FAM163A: variants seen among roughly 807,000 people sequenced by gnomAD.
FAM163A encodes protein FAM163A.
In FAM163A, 7 loss-of-function variants were observed where a neutral mutation model predicts 12.0. The observed-to-expected ratio is 0.58, with a 90% CI of 0.33 to 1.10. The LOEUF is 1.10. Ranked by LOEUF, FAM163A falls within the 50% of genes least tolerant of loss-of-function variation. The pLI is 0.03. For synonymous variants in FAM163A, 101 were observed against 91.0 expected (o/e 1.11, Z -0.62); for missense variants, 202 against 218.6 (o/e 0.92, Z 0.48).
At chr1:179,731,095 A>G in the FAM163A span, among the ~76,000 whole-genome samples, 1 of 152,360 alleles carries the variant, frequency 6.6e-6, no homozygotes, top group South Asian at 2.1e-4. Flanking sequence ...ACCTACAATT[A>G]GTTTTTGGTG....
chr1:179,774,968 G>A (rs941711113), intron 1 of FAM163A, among the ~76,000 whole-genome samples: 1 of 152,132 alleles, frequency 6.6e-6, no homozygotes, highest in Non-Finnish European at 1.5e-5. Context: ...CAAAGAATTG[G>A]ACAAAACGCA....
intron 1 of FAM163A, among the ~76,000 whole-genome samples, chr1:179,749,745 G>C (rs1475695341): frequency 6.6e-6 from 1 of 152,134 alleles, no homozygotes; most frequent in Non-Finnish European, 1.5e-5. Context: ...TGTAATCCCA[G>C]CTACTTGGGA....
chr1:179,735,348 A>G, the FAM163A span, among the ~76,000 whole-genome samples: 2 of 152,222 alleles, frequency 1.3e-5, no homozygotes, highest in Non-Finnish European at 2.9e-5. Context: ...GGCAGAAATC[A>G]GAAGAAATGA....
At chr1:179,802,237 A>G (rs1222314993) in intron 1 of FAM163A, among the ~76,000 whole-genome samples, 2 of 152,146 alleles carry the variant, frequency 1.3e-5, no homozygotes, top group East Asian at 3.8e-4. Flanking sequence ...ATTTTTTGGT[A>G]TGTGTTCTTG....
chr1:179,787,224 A>C (rs1191103960), intron 1 of FAM163A, among the ~76,000 whole-genome samples: 1 of 152,204 alleles, frequency 6.6e-6, no homozygotes, highest in Non-Finnish European at 1.5e-5. Context: ...ATTTGTAGTA[A>C]ATAGAGAGCT....
At chr1:179,806,068 A>G (rs978021204) in intron 1 of FAM163A, among the ~76,000 whole-genome samples, 1 of 151,924 alleles carries the variant, frequency 6.6e-6, no homozygotes, top group African/African-American at 2.4e-5. Flanking sequence ...GCTCAGCAAC[A>G]CCTCTCACCA....
At chr1:179,744,315 G>A (rs560121848) in intron 1 of FAM163A, among the ~76,000 whole-genome samples, 9 of 152,190 alleles carry the variant, frequency 5.9e-5, no homozygotes, top group Admixed American at 2.0e-4. Context: ...TCCGCCCCGC[G>A]GCCCAGAGGG....
At chr1:179,793,651 G>C (rs867440) in intron 1 of FAM163A, among the ~76,000 whole-genome samples, 95 of 152,266 alleles carry the variant, frequency 6.2e-4, no homozygotes, top group African/African-American at 1.9e-3. Context: ...AGCTCCCTTT[G>C]GTTCAAAAGT....
chr1:179,806,905 A>G (rs1571580784), intron 1 of FAM163A, among the ~76,000 whole-genome samples: 1 of 152,146 alleles, frequency 6.6e-6, no homozygotes, highest in South Asian at 2.1e-4. Context: ...AGAGTTTGAG[A>G]CCAGCCTGGC....
At chr1:179,777,495 C>G (rs1270904490) in intron 1 of FAM163A, among the ~76,000 whole-genome samples, 1 of 152,132 alleles carries the variant, frequency 6.6e-6, no homozygotes. Context: ...ACCCGAAGAG[C>G]CTCTCAGACC....
Position 179,749,007 on chromosome 1 carries a change from C to G in FAM163A, c.-136+5584C>G, listed in dbSNP as rs113874348. ...TGGTAAAATCAACAGGTATTGACAA[C>G]AGGCATGTGAAATCAACATTTCTGT... On this transcript the variant is annotated intron_variant, in intron 1 of 4. Coordinates refer to ENST00000341785, the MANE Select transcript of FAM163A (RefSeq NM_173509.3). Among the ~76,000 whole-genome samples, 248 of 152,272 alleles carry G rather than the reference C, an allele frequency of 1.6e-3. 2 individuals carry two copies. Among genetic ancestry groups the G allele is most frequent in the African/African-American group, 5.9e-3 (244 of 41,544 alleles).
intron 1 of FAM163A, among the ~76,000 whole-genome samples, chr1:179,759,417 G>A (rs1686484191): frequency 6.6e-6 from 1 of 152,072 alleles, no homozygotes; most frequent in African/African-American, 2.4e-5. Flanking sequence ...CGAGAATGAA[G>A]GGAGACTGAC....
At chr1:179,813,339 TG>T (rs2148384985) in intron 4 of FAM163A, 149 bp downstream of exon 4, 3 of 801,974 alleles carry the variant, frequency 3.7e-6, no homozygotes, top group South Asian at 3.3e-5. Context: ...GGATGGGAGT[TG>T]GGGCTGGTCG....
intron 3 of FAM163A, 148 bp downstream of exon 3, chr1:179,812,279 C>T (rs1393532416): frequency 6.5e-6 from 1 of 152,726 alleles, no homozygotes; most frequent in East Asian, 1.9e-4. Context: ...ATGACAGCCT[C>T]ATGCCCAGAG....
intron 1 of FAM163A, among the ~76,000 whole-genome samples, chr1:179,802,380 C>T (rs959149307): frequency 6.6e-6 from 1 of 152,160 alleles, no homozygotes; most frequent in Non-Finnish European, 1.5e-5. Flanking sequence ...CTCCTTGTTG[C>T]TGTGTGTTGC....
At chr1:179,805,439 C>A (rs1247051136) in intron 1 of FAM163A, among the ~76,000 whole-genome samples, 1 of 151,784 alleles carries the variant, frequency 6.6e-6, no homozygotes, top group Non-Finnish European at 1.5e-5. Flanking sequence ...GCCTTAAAGC[C>A]AGCATTAATC....
chr1:179,739,483 G>A (rs558051163), upstream of FAM163A, among the ~76,000 whole-genome samples: 62 of 152,170 alleles, frequency 4.1e-4, no homozygotes, highest in South Asian at 1.0e-3. Context: ...TTTTGAATGC[G>A]GCCCAACACA....
In FAM163A at chr1:179,813,066, A is replaced by G; in HGVS notation, c.-22-10A>G. The stretch of plus-strand genomic sequence containing the variant: ...ACAGCTGGTCCTCAGCCCTCCGCAC[A>G]TCTTTGCAGAGTTTGATGGGGCGCC... On this transcript the variant is annotated splice_polypyrimidine_tract_variant and intron_variant, in intron 3 of 4. Coordinates refer to ENST00000341785, the MANE Select transcript of FAM163A (RefSeq NM_173509.3). 2 of 1,550,994 alleles carry G rather than the reference A, an allele frequency of 1.3e-6. No individual in the cohort carries two copies. Among genetic ancestry groups the G allele is most frequent in the Non-Finnish European group, 1.7e-6 (2 of 1,146,514 alleles).
intron 1 of FAM163A, among the ~76,000 whole-genome samples, chr1:179,791,540 G>T (rs1464460016): frequency 6.6e-6 from 1 of 152,196 alleles, no homozygotes; most frequent in African/African-American, 2.4e-5. Flanking sequence ...TACAGTCTAG[G>T]GTGGAAAAAG....
Sources: gnomAD v4.1 joint callset for allele counts (sites outside exome capture counted in the v4.1 genomes callset) on GRCh38, gnomAD v4.1.1 for gene constraint, MANE v1.5 for transcripts, NCBI Gene and HGNC (gene_info 2026-07-23, HGNC 2026-07-21) for gene names.